The following NRXN3 variants were observed in gnomAD, a reference collection of about 807,000 sequenced individuals.
NRXN3 encodes neurexin 3, also known as neurexin III.
A neutral mutation model predicts 137.6 loss-of-function variants in NRXN3; 32 were observed. That is an observed-to-expected ratio of 0.23 (90% CI 0.18 to 0.31). The LOEUF (loss-of-function observed/expected upper bound fraction) is 0.31, where lower values mean the gene tolerates loss of function less well. Ranked by LOEUF, NRXN3 falls within the 10% of genes least tolerant of loss-of-function variation. NRXN3 has a pLI of 1.00. For missense variants in NRXN3, 1,574 were observed against 2,062.5 expected, an observed-to-expected ratio of 0.76 and a Z score of 4.59; for synonymous variants, 798 against 784.5, an observed-to-expected ratio of 1.02 and a Z score of -0.29.
intron 19 of NRXN3, among the ~76,000 whole-genome samples, chr14:79,803,079 C>G (rs774140344): frequency 1.3e-5 from 2 of 151,946 alleles, no homozygotes; most frequent in African/African-American, 2.4e-5. Context: ...TTTCTGCTAG[C>G]CTTGAGGAGC....
chr14:78,729,335 G>T (rs1172911802), intron 8 of NRXN3, among the ~76,000 whole-genome samples: 1 of 152,174 alleles, frequency 6.6e-6, no homozygotes, highest in Non-Finnish European at 1.5e-5. Context: ...TTAGAGGTGG[G>T]ATTAGGTACT....
intron 15 of NRXN3, among the ~76,000 whole-genome samples, chr14:78,994,718 G>C (rs1456182503): frequency 6.6e-6 from 1 of 152,192 alleles, no homozygotes; most frequent in Non-Finnish European, 1.5e-5. Context: ...CTGTGAAGTT[G>C]AATTGTTCAC....
intron 20 of NRXN3, among the ~76,000 whole-genome samples, chr14:79,839,819 C>A (rs151221562): frequency 8.1e-4 from 124 of 152,232 alleles, no homozygotes; most frequent in African/African-American, 2.8e-3. Flanking sequence ...TCATTCAGAC[C>A]AACTGAAGCT....
intron 3 of NRXN3, among the ~76,000 whole-genome samples, chr14:78,288,090 C>T (rs538527254): frequency 5.4e-4 from 82 of 152,216 alleles, no homozygotes; most frequent in Non-Finnish European, 7.8e-4. Flanking sequence ...AGCGATTCTC[C>T]TGCCTCAGCC....
intron 10 of NRXN3, among the ~76,000 whole-genome samples, chr14:78,820,425 T>TAAAA (rs10632138): frequency 5.0e-5 from 6 of 120,956 alleles, no homozygotes; most frequent in South Asian, 5.8e-4. Context: ...ATGTTATTTC[T>TAAAA]AAAAAAAAAA....
In NRXN3 at chr14:79,730,356, C is replaced by T. The variant is rs2098917507; in HGVS notation, c.4014+32419C>T. Among the ~76,000 whole-genome samples, 7 of 152,272 alleles carry T rather than the reference C, an allele frequency of 4.6e-5. 1 individual carries two copies. In the South Asian group the frequency reaches 1.5e-3, roughly 32 times the overall value. On this transcript the variant is annotated intron_variant, in intron 19 of 20. Coordinates refer to ENST00000335750, the MANE Select transcript of NRXN3 (RefSeq NM_001330195.2). The stretch of plus-strand genomic sequence containing the variant: ...CCCCTCCCACTACACAGGCCTCCTC[C>T]ATCTCCCTCATTTTCTCTGTGTGCT...
At chr14:79,044,311 C>T (rs2099629544) in intron 15 of NRXN3, among the ~76,000 whole-genome samples, 1 of 152,094 alleles carries the variant, frequency 6.6e-6, no homozygotes, top group African/African-American at 2.4e-5. Flanking sequence ...TTTTTTGAGC[C>T]AGAGTTCCCT....
intron 10 of NRXN3, among the ~76,000 whole-genome samples, chr14:78,904,450 C>T (rs1305189609): frequency 6.6e-6 from 1 of 152,006 alleles, no homozygotes; most frequent in African/African-American, 2.4e-5. Context: ...GTTTATACAC[C>T]AACCAGTCCT....
At chr14:78,705,787 C>A (rs1399066226) in intron 6 of NRXN3, among the ~76,000 whole-genome samples, 1 of 152,150 alleles carries the variant, frequency 6.6e-6, no homozygotes, top group Non-Finnish European at 1.5e-5. Context: ...GCTTTTTATT[C>A]ACAACAGTGA....
chr14:78,505,984 G>A (rs956888985), intron 4 of NRXN3, among the ~76,000 whole-genome samples: 1 of 151,678 alleles, frequency 6.6e-6, no homozygotes, highest in Admixed American at 6.6e-5. Flanking sequence ...CTTTTTTGTG[G>A]GTAAGACGCT....
chr14:78,225,944 GT>G (rs145656010), intron 1 of NRXN3, among the ~76,000 whole-genome samples: 4 of 148,032 alleles, frequency 2.7e-5, no homozygotes, highest in Non-Finnish European at 4.5e-5. Context: ...AGTAGCAGGT[GT>G]TTTTTTGGTG....
chr14:78,214,302 A>G (rs2063040448), intron 1 of NRXN3, among the ~76,000 whole-genome samples: 1 of 151,978 alleles, frequency 6.6e-6, no homozygotes, highest in African/African-American at 2.4e-5. Context: ...TCTTTCCTTC[A>G]TATCTCTGCA....
At chr14:78,346,951 G>GTGA (rs140038362) in intron 4 of NRXN3, among the ~76,000 whole-genome samples, 3 of 152,308 alleles carry the variant, frequency 2.0e-5, no homozygotes, top group Non-Finnish European at 4.4e-5. Flanking sequence ...ACAGCAAAGG[G>GTGA]TGATGGATGG....
chr14:79,470,971 T>A (rs1386108138), intron 16 of NRXN3, among the ~76,000 whole-genome samples: 13 of 149,930 alleles, frequency 8.7e-5, no homozygotes, highest in African/African-American at 2.5e-4. Flanking sequence ...TGTGTGTGTG[T>A]GTGTGTGTGT....
intron 16 of NRXN3, among the ~76,000 whole-genome samples, chr14:79,526,360 T>G (rs764188627): frequency 1.3e-5 from 2 of 152,164 alleles, no homozygotes; most frequent in Non-Finnish European, 2.9e-5. Flanking sequence ...TCCACCTAAT[T>G]TAAAAAAATT....
At chr14:79,045,089 A>G (rs1364946946) in intron 15 of NRXN3, among the ~76,000 whole-genome samples, 1 of 152,222 alleles carries the variant, frequency 6.6e-6, no homozygotes, top group African/African-American at 2.4e-5. Context: ...ACCTATGCCC[A>G]TAATGGCATA....
chr14:79,453,944 C>A (rs1029856202), intron 15 of NRXN3, among the ~76,000 whole-genome samples: 4 of 152,118 alleles, frequency 2.6e-5, no homozygotes, highest in African/African-American at 9.7e-5. Context: ...TCTAAATCCC[C>A]ATGGTCACAC....
intron 16 of NRXN3, among the ~76,000 whole-genome samples, chr14:79,662,920 C>A (rs1466417709): frequency 6.6e-6 from 1 of 152,130 alleles, no homozygotes; most frequent in Non-Finnish European, 1.5e-5. Flanking sequence ...CTGGAGATTA[C>A]AACTGAACAG....
intron 6 of NRXN3, among the ~76,000 whole-genome samples, chr14:78,687,353 T>C (rs2098133560): frequency 6.6e-6 from 1 of 152,158 alleles, no homozygotes; most frequent in African/African-American, 2.4e-5. Flanking sequence ...GATACATAGA[T>C]GGCTGTTACT....
Sources: gnomAD v4.1 joint callset for allele counts (sites outside exome capture counted in the v4.1 genomes callset) on GRCh38, gnomAD v4.1.1 for gene constraint, MANE v1.5 for transcripts, NCBI Gene and HGNC (gene_info 2026-07-23, HGNC 2026-07-21) for gene names.